The following EMSY variants were observed in gnomAD, a reference collection of about 807,000 sequenced individuals.
EMSY encodes EMSY transcriptional repressor, BRCA2 interacting, also known as BRCA2-interacting transcriptional repressor EMSY.
Under a neutral mutation model 134.6 loss-of-function variants are expected in EMSY, and 26 were observed. The ratio of observed to expected loss-of-function variants is 0.19; its 90% CI spans 0.14 to 0.27. The LOEUF (loss-of-function observed/expected upper bound fraction) is 0.27. Ranked by LOEUF, EMSY falls within the 10% of genes least tolerant of loss-of-function variation. EMSY has a pLI of 1.00. For synonymous variants in EMSY, 579 were observed against 577.8 expected (o/e 1.00, Z -0.03); for missense variants, 1,305 against 1,611.4 (o/e 0.81, Z 3.26).
At chr11:76,471,283 C>G (rs1948558297) in intron 7 of EMSY, among the ~76,000 whole-genome samples, 1 of 152,122 alleles carries the variant, frequency 6.6e-6, no homozygotes, top group Admixed American at 6.5e-5. Context: ...GTACAGAGTT[C>G]TCATATACTC....
intron 11 of EMSY, among the ~76,000 whole-genome samples, chr11:76,521,098 A>C (rs1216191160): frequency 6.6e-6 from 1 of 152,214 alleles, no homozygotes; most frequent in East Asian, 1.9e-4. Flanking sequence ...GGTCTGACAA[A>C]GCCTGGAAAG....
chr11:76,487,394 A>G (rs929124529), intron 8 of EMSY, among the ~76,000 whole-genome samples: 7 of 152,210 alleles, frequency 4.6e-5, no homozygotes, highest in African/African-American at 1.7e-4. Context: ...GCCTGTCTTC[A>G]TTTGTTCTTG....
At chr11:76,501,979 C>G (rs1434798852) in intron 9 of EMSY, among the ~76,000 whole-genome samples, 1 of 144,886 alleles carries the variant, frequency 6.9e-6, no homozygotes, top group African/African-American at 2.6e-5. Context: ...AATAAAGTTA[C>G]GTAAGAGCTG....
intron 8 of EMSY, among the ~76,000 whole-genome samples, chr11:76,479,046 A>G (rs2135462505): frequency 1.3e-5 from 2 of 152,224 alleles, no homozygotes; most frequent in Middle Eastern, 6.8e-3. Flanking sequence ...CCCTTTCAGA[A>G]TATTTCATTA....
chr11:76,463,879 C>T (rs2135174226), exon 7 of EMSY: 1 of 1,614,172 alleles, frequency 6.2e-7, no homozygotes, highest in Non-Finnish European at 8.5e-7. Context: ...CAAACTCTTC[C>T]AGCTCCTCTC....
chr11:76,512,608 C>T (rs1348714706), intron 9 of EMSY, among the ~76,000 whole-genome samples: 1 of 150,550 alleles, frequency 6.6e-6, no homozygotes, highest in Non-Finnish European at 1.5e-5. Context: ...TAAATGAATG[C>T]AGGCAGCAAG....
chr11:76,490,541 G>A (rs1949375894), intron 8 of EMSY, among the ~76,000 whole-genome samples: 1 of 152,096 alleles, frequency 6.6e-6, no homozygotes, highest in African/African-American at 2.4e-5. Flanking sequence ...TTCATGTATT[G>A]TGTTAGAATC....
At chr11:76,531,495 G>A (rs1951038787) in intron 14 of EMSY, among the ~76,000 whole-genome samples, 1 of 152,032 alleles carries the variant, frequency 6.6e-6, no homozygotes, top group Non-Finnish European at 1.5e-5. Context: ...CTCATGATTA[G>A]ATTCATCAGG....
At chr11:76,457,136 T>A (rs1203294782) in intron 4 of EMSY, among the ~76,000 whole-genome samples, 1 of 152,010 alleles carries the variant, frequency 6.6e-6, no homozygotes, top group Non-Finnish European at 1.5e-5. Context: ...ATAACTATCA[T>A]CATTACTATC....
chr11:76,462,362 A>C (rs1948158513), intron 6 of EMSY, among the ~76,000 whole-genome samples: 1 of 152,254 alleles, frequency 6.6e-6, no homozygotes, highest in South Asian at 2.1e-4. Context: ...CAGAAGTCAT[A>C]CCAACAACAT....
chr11:76,456,290 A>G (rs1409581931), intron 4 of EMSY, among the ~76,000 whole-genome samples: 6 of 152,244 alleles, frequency 3.9e-5, no homozygotes, highest in Admixed American at 3.3e-4. Context: ...TGTTTGCATG[A>G]GTAGAAATTT....
intron 14 of EMSY, among the ~76,000 whole-genome samples, chr11:76,531,058 T>C (rs1951024323): frequency 6.6e-6 from 1 of 152,180 alleles, no homozygotes; most frequent in African/African-American, 2.4e-5. Flanking sequence ...GTTGATTCTC[T>C]GCCCCCCTTC....
intron 16 of EMSY, among the ~76,000 whole-genome samples, chr11:76,538,970 A>G (rs905779905): frequency 1.3e-5 from 2 of 152,192 alleles, no homozygotes; most frequent in Non-Finnish European, 2.9e-5. Flanking sequence ...AATAAAAACA[A>G]AAACAAGCCA....
At chr11:76,496,746 T>A (rs1329653078) in intron 9 of EMSY, 1 of 433,834 alleles carries the variant, frequency 2.3e-6, no homozygotes, top group East Asian at 5.3e-5. Flanking sequence ...TGATCTTGTA[T>A]CCTTTGACCT....
intron 17 of EMSY, among the ~76,000 whole-genome samples, chr11:76,541,864 A>G (rs1951452966): frequency 6.6e-6 from 1 of 152,228 alleles, no homozygotes; most frequent in South Asian, 2.1e-4. Context: ...TAATGGGATG[A>G]AAGTCATTGG....
intron 20 of EMSY, 31 bp from the exon 22 acceptor site, chr11:76,549,921 C>A: frequency 1.3e-6 from 2 of 1,493,552 alleles, no homozygotes; most frequent in Non-Finnish European, 9.0e-7. Flanking sequence ...CTTTTCTTAC[C>A]ATAAAGATTC....
intron 7 of EMSY, among the ~76,000 whole-genome samples, chr11:76,466,217 C>T (rs958015543): frequency 6.6e-6 from 1 of 152,174 alleles, no homozygotes; most frequent in South Asian, 2.1e-4. Context: ...GGATCTAAAT[C>T]GTTCTTAAAC....
chr11:76,485,637 A>G (rs1590864148), intron 8 of EMSY, among the ~76,000 whole-genome samples: 1 of 152,252 alleles, frequency 6.6e-6, no homozygotes, highest in East Asian at 1.9e-4. Context: ...AAACTGGTAC[A>G]AGACAAGAAT....
rs1042421104 is a variant in EMSY, at chr11:76,542,384, T to G, written c.2709+17T>G. 6.2e-7 allele frequency: 1 copy of G among 1,611,304 alleles called. No homozygotes were observed. Among genetic ancestry groups the G allele is most frequent in the African/African-American group, 1.3e-5 (1 of 74,878 alleles). ...ATGCAGCAGGTTGTATCTCTTCTTT[T>G]TCTTCCTATCTTCTGCAACTGCCCA... is the stretch of plus-strand genomic sequence containing the variant. On this transcript the variant is annotated intron_variant, in intron 18 of 20. Coordinates refer to ENST00000334736, the Ensembl canonical transcript of EMSY.
Sources: gnomAD v4.1 joint callset for allele counts (sites outside exome capture counted in the v4.1 genomes callset) on GRCh38, gnomAD v4.1.1 for gene constraint, MANE v1.5 for transcripts, NCBI Gene and HGNC (gene_info 2026-07-23, HGNC 2026-07-21) for gene names.